MLIP: variants seen among roughly 807,000 people sequenced by gnomAD.
MLIP encodes muscular LMNA-interacting protein.
In MLIP, 79 loss-of-function variants were observed where a neutral mutation model predicts 84.8. The ratio of observed to expected loss-of-function variants is 0.93; its 90% CI spans 0.78 to 1.12. The LOEUF is 1.12. MLIP is among the 50% of genes most tolerant of loss of function. The pLI is 0.00. For synonymous variants in MLIP, 504 were observed against 463.0 expected (o/e 1.09, Z -1.14); for missense variants, 1,257 against 1,160.6 (o/e 1.08, Z -1.21).
chr6:54,206,823 G>A lies in MLIP; in HGVS notation c.2718+4590G>A, dbSNP rs189851753. Among the ~76,000 whole-genome samples the A allele has an allele frequency of 5.2e-3, 788 of 152,172 alleles. 21 individuals carry two copies. The highest frequency in any genetic ancestry group is 2.3e-3 in the East Asian group (12 of 5,186). ...ATATTACAGGATAAATACCTTTGTC[G>A]TAGGTGAAACTGACAATACTGCCTT... On this transcript the variant is annotated intron_variant, in intron 11 of 13. Transcript: ENST00000502396.
intron 4 of MLIP, among the ~76,000 whole-genome samples, chr6:54,141,091 T>C (rs78282192): frequency 6.6e-6 from 1 of 152,262 alleles, no homozygotes; most frequent in African/African-American, 2.4e-5. Context: ...TCCTTTGATA[T>C]TAAAATAAAA....
chr6:54,226,512 T>G, intron 11 of MLIP, among the ~76,000 whole-genome samples: 1 of 152,112 alleles, frequency 6.6e-6, no homozygotes, highest in East Asian at 1.9e-4. Flanking sequence ...GTTTCCAAAG[T>G]GCTCTTAATT....
At chr6:54,171,058 G>A (rs1387834361) in intron 9 of MLIP, among the ~76,000 whole-genome samples, 2 of 151,386 alleles carry the variant, frequency 1.3e-5, no homozygotes, top group Admixed American at 6.6e-5. Flanking sequence ...TCTCTAATTA[G>A]ATTAGTTTTC....
At chr6:54,157,804 T>C (rs1051747422) in intron 5 of MLIP, among the ~76,000 whole-genome samples, 1 of 152,108 alleles carries the variant, frequency 6.6e-6, no homozygotes, top group African/African-American at 2.4e-5. Context: ...TGCCAATCAT[T>C]TCTCATGATT....
At chr6:54,112,140 T>G (rs1769519188) in intron 1 of MLIP, among the ~76,000 whole-genome samples, 1 of 152,254 alleles carries the variant, frequency 6.6e-6, no homozygotes, top group South Asian at 2.1e-4. Context: ...CTGAAAGTGT[T>G]AATTGGCAAT....
intron 11 of MLIP, chr6:54,217,291 C>A: frequency 2.0e-6 from 2 of 985,308 alleles, no homozygotes; most frequent in Non-Finnish European, 2.4e-6. Context: ...CAGGATGGAA[C>A]AAAAGCATTT....
chr6:54,025,915 T>C (rs1763776083), intron 1 of MLIP, among the ~76,000 whole-genome samples: 1 of 152,216 alleles, frequency 6.6e-6, no homozygotes, highest in African/African-American at 2.4e-5. Context: ...TCATCATTGG[T>C]ATATTTTAAA....
chr6:54,109,930 TTCCTTCCTTCCTTC>T (rs1561938008), upstream of MLIP, among the ~76,000 whole-genome samples: 7 of 109,094 alleles, frequency 6.4e-5, no homozygotes, highest in African/African-American at 2.5e-4. Context: ...TCTTTCTTCC[TTCCTTCCTTCCTTC>T]CTTCCTTCCT....
At chr6:54,029,170 A>G (rs1423111118) in intron 1 of MLIP, 1 of 152,168 alleles carries the variant, frequency 6.6e-6, no homozygotes, top group Non-Finnish European at 1.5e-5. Context: ...TCAATAAATG[A>G]TGGGTGCTAT....
At chr6:54,144,326 T>C (rs981983994) in intron 4 of MLIP, among the ~76,000 whole-genome samples, 1 of 152,176 alleles carries the variant, frequency 6.6e-6, no homozygotes, top group Non-Finnish European at 1.5e-5. Flanking sequence ...AAGTTGGACA[T>C]GGTGGTAGTG....
chr6:54,110,543 G>A (rs1370696366), upstream of MLIP, among the ~76,000 whole-genome samples: 6 of 152,224 alleles, frequency 3.9e-5, no homozygotes, highest in South Asian at 1.2e-3. Context: ...ATCACTTATA[G>A]CAATTATTTT....
chr6:54,104,340 CAT>C (rs779362035), intron 1 of MLIP, among the ~76,000 whole-genome samples: 1 of 152,126 alleles, frequency 6.6e-6, no homozygotes, highest in East Asian at 1.9e-4. Context: ...TGAAGTATGT[CAT>C]GTGTTAGAAT....
chr6:54,266,074 C>A lies in MLIP; in HGVS notation c.*119C>A. 1.0e-6 allele frequency: 1 copy of A among 972,160 alleles called. No homozygotes were observed. Among genetic ancestry groups the A allele is most frequent in the Non-Finnish European group, 1.6e-6 (1 of 637,008 alleles). The allele number at this position is 972,160 out of a possible 1,614,324, so 60.2% of individuals were successfully genotyped here. On this transcript the variant is annotated 3_prime_UTR_variant, in exon 14 of 14. Transcript: ENST00000502396. Reference sequence around the variant, plus strand: ...GAATGAGTGCTCCCTTTATGAGCTGCAGTGCAGCAGAACCAAAAAAAAAGT... The same window carrying A: ...GAATGAGTGCTCCCTTTATGAGCTGAAGTGCAGCAGAACCAAAAAAAAAGT...
At chr6:54,251,375 A>T (rs1782467031) in intron 12 of MLIP, among the ~76,000 whole-genome samples, 1 of 144,552 alleles carries the variant, frequency 6.9e-6, no homozygotes, top group African/African-American at 2.7e-5. Context: ...ATATGTTGTA[A>T]ATCAGGGATT....
At chr6:54,208,775 T>A (rs1779217342) in intron 11 of MLIP, among the ~76,000 whole-genome samples, 1 of 152,210 alleles carries the variant, frequency 6.6e-6, no homozygotes, top group Non-Finnish European at 1.5e-5. Flanking sequence ...TATTTGCCAG[T>A]TTATGTACCA....
At position 54,124,829 on chromosome 6, in the gene MLIP, G is replaced by T. The variant is rs1005094842; in HGVS notation, c.609G>T (p.Met203Ile). 1.2e-6 allele frequency: 2 copies of T among 1,607,456 alleles called. No individual in the cohort carries two copies. The highest frequency in any genetic ancestry group is 1.3e-5 in the African/African-American group (1 of 74,750). Residue 203 changes from methionine (M) to isoleucine (I), a missense_variant, in exon 3 of 14, where the codon ATG becomes ATT. Transcript: ENST00000502396. ...TCAAGACCTCATCACATCCTGAAATGCTTCATGGGATGGCCCCTCAGCAAA... is the reference window on the plus strand; with the variant it reads ...TCAAGACCTCATCACATCCTGAAATTCTTCATGGGATGGCCCCTCAGCAAA... ...TDLKTSSHPE[M>I]LHGMAPQQKH...
At chr6:54,078,339 C>T (rs1374962805) in intron 1 of MLIP, among the ~76,000 whole-genome samples, 1 of 152,150 alleles carries the variant, frequency 6.6e-6, no homozygotes, top group Non-Finnish European at 1.5e-5. Context: ...GCTTGTAATC[C>T]CCGCACTTTG....
At chr6:54,026,305 A>G (rs76428220) in intron 1 of MLIP, among the ~76,000 whole-genome samples, 4,556 of 152,322 alleles carry the variant, frequency 0.03, 132 homozygotes, top group South Asian at 0.13. Context: ...GTAATTAAAA[A>G]ATTCTGGTCT....
At chr6:54,160,481 A>G (rs1403912859) in intron 6 of MLIP, 35 bp from the exon 7 acceptor site, 2 of 1,611,364 alleles carry the variant, frequency 1.2e-6, no homozygotes, top group African/African-American at 2.7e-5. Flanking sequence ...TCCAAAACTT[A>G]TTGCTAACCC....
Sources: allele counts gnomAD v4.1 joint callset (sites outside exome capture counted in the v4.1 genomes callset), GRCh38; gene constraint gnomAD v4.1.1; transcripts MANE v1.5; gene names NCBI Gene and HGNC (gene_info 2026-07-23, HGNC 2026-07-21).